PRELID2: variants seen among roughly 807,000 people sequenced by gnomAD.
PRELID2 encodes PRELI domain containing 2, also known as PRELI domain-containing protein 2.
In PRELID2, 25 loss-of-function variants were observed where a neutral mutation model predicts 28.4. That is an observed-to-expected ratio of 0.88 (90% CI 0.64 to 1.23). The LOEUF (loss-of-function observed/expected upper bound fraction) is 1.23, where lower values mean the gene tolerates loss of function less well. Ranked by LOEUF, PRELID2 falls within the 50% of genes most tolerant of loss-of-function variation. The pLI is 0.00. For synonymous variants in PRELID2, 76 were observed against 71.6 expected (o/e 1.06, Z -0.31); for missense variants, 201 against 214.4 (o/e 0.94, Z 0.39).
chr5:145,679,538 T>G (rs1037707908), intron 1 of PRELID2, among the ~76,000 whole-genome samples: 10 of 152,166 alleles, frequency 6.6e-5, no homozygotes, highest in Admixed American at 2.6e-4. Flanking sequence ...CTTGCTAGGA[T>G]ACAGTCTTCC....
chr5:145,756,780 G>A lies in PRELID2; in HGVS notation c.*3756C>T, dbSNP rs372519534. On this transcript the variant is annotated 3_prime_UTR_variant, in exon 7 of 7. Coordinates refer to ENST00000683046, the MANE Select transcript of PRELID2 (RefSeq NM_205846.3). Reference sequence around the variant, plus strand: ...TCTACTCTTATTCAACATATAGTATGCAGTTACACAATTTCCCAACCCCAG... The same window carrying A: ...TCTACTCTTATTCAACATATAGTATACAGTTACACAATTTCCCAACCCCAG... 2.0e-5 allele frequency among the ~76,000 whole-genome samples: 3 copies of A among 152,090 alleles called. No homozygotes were observed. The highest frequency in any genetic ancestry group is 4.1e-4 in the South Asian group (2 of 4,822).
At chr5:145,647,243 G>A (rs1754213844) in intron 1 of PRELID2, among the ~76,000 whole-genome samples, 2 of 152,284 alleles carry the variant, frequency 1.3e-5, no homozygotes, top group Middle Eastern at 3.4e-3. Flanking sequence ...AGGCAGTCTG[G>A]CCACAGCAGC....
chr5:145,585,430 C>T (rs905052826), intron 1 of PRELID2, among the ~76,000 whole-genome samples: 8 of 151,906 alleles, frequency 5.3e-5, no homozygotes, highest in Admixed American at 2.6e-4. Context: ...TGCACATGTA[C>T]CCCTGAACTT....
chr5:145,556,128 A>C (rs2126686657), intron 1 of PRELID2, among the ~76,000 whole-genome samples: 1 of 151,064 alleles, frequency 6.6e-6, no homozygotes, highest in South Asian at 2.1e-4. Context: ...CAGTGAGCCA[A>C]GATCACGCCA....
chr5:145,792,072 T>C (rs1752432755), intron 5 of PRELID2, among the ~76,000 whole-genome samples: 1 of 152,118 alleles, frequency 6.6e-6, no homozygotes, highest in Non-Finnish European at 1.5e-5. Context: ...TACGTTTGCA[T>C]TCCTCCATCA....
At chr5:145,621,430 C>A (rs976080913) in intron 1 of PRELID2, among the ~76,000 whole-genome samples, 2 of 152,102 alleles carry the variant, frequency 1.3e-5, no homozygotes, top group Admixed American at 6.5e-5. Flanking sequence ...TATATCTACA[C>A]AAAAACTTGT....
At chr5:145,411,420 A>G in the PRELID2 span, among the ~76,000 whole-genome samples, 13 of 152,182 alleles carry the variant, frequency 8.5e-5, no homozygotes, top group African/African-American at 3.1e-4. Context: ...CAGTCAAACA[A>G]TATCTGTCAT....
At chr5:145,282,960 T>A in the PRELID2 span, among the ~76,000 whole-genome samples, 324 of 152,302 alleles carry the variant, frequency 2.1e-3, 10 homozygotes, top group East Asian at 0.054. Flanking sequence ...AGGGGTGGGA[T>A]GGTTAAGAAT....
chr5:145,721,215 T>C (rs907331822), intron 1 of PRELID2, among the ~76,000 whole-genome samples: 20 of 152,074 alleles, frequency 1.3e-4, no homozygotes, highest in African/African-American at 4.8e-4. Context: ...TTCACACGCA[T>C]TCATGAGAAA....
the PRELID2 span, among the ~76,000 whole-genome samples, chr5:145,395,774 G>T: frequency 1.3e-5 from 2 of 152,084 alleles, no homozygotes; most frequent in Non-Finnish European, 2.9e-5. Context: ...ATGCAATGAG[G>T]TGTAAAGAAC....
intron 1 of PRELID2, among the ~76,000 whole-genome samples, chr5:145,677,813 A>T (rs1357658148): frequency 6.6e-6 from 1 of 152,214 alleles, no homozygotes; most frequent in Non-Finnish European, 1.5e-5. Flanking sequence ...CTGTGGTTTC[A>T]TTAAAAATTC....
At chr5:145,358,326 T>C in the PRELID2 span, among the ~76,000 whole-genome samples, 1 of 152,108 alleles carries the variant, frequency 6.6e-6, no homozygotes, top group South Asian at 2.1e-4. Context: ...CAGAAAGCTG[T>C]GCCCCTCAGC....
the PRELID2 span, among the ~76,000 whole-genome samples, chr5:145,248,652 C>T: frequency 6.6e-6 from 1 of 152,166 alleles, no homozygotes; most frequent in East Asian, 1.9e-4. Flanking sequence ...CAAAAATTAG[C>T]TGGGCATGGT....
chr5:145,834,858 T>G, intron 1 of PRELID2: 1 of 289,468 alleles, frequency 3.5e-6, no homozygotes, highest in East Asian at 6.4e-5. Flanking sequence ...GGGTCAGTGA[T>G]GAACCGGAAA....
the PRELID2 span, among the ~76,000 whole-genome samples, chr5:145,466,182 C>T: frequency 6.6e-6 from 1 of 151,966 alleles, no homozygotes; most frequent in South Asian, 2.1e-4. Flanking sequence ...ATGAGAAAAA[C>T]AGATAAGAAC....
chr5:145,467,508 G>T (rs1269650937), downstream of PRELID2, among the ~76,000 whole-genome samples: 3 of 152,044 alleles, frequency 2.0e-5, no homozygotes, highest in African/African-American at 4.8e-5. Flanking sequence ...TAAAATGTAG[G>T]TCCATTTTAC....
At chr5:145,734,274 C>A (rs1186525168) in intron 1 of PRELID2, among the ~76,000 whole-genome samples, 1 of 152,116 alleles carries the variant, frequency 6.6e-6, no homozygotes, top group East Asian at 1.9e-4. Context: ...AGCCACTGCA[C>A]CTGGCTCAAA....
chr5:145,777,141 T>C (rs6893794), intron 5 of PRELID2, among the ~76,000 whole-genome samples: 7,169 of 152,174 alleles, frequency 0.047, 455 homozygotes, highest in African/African-American at 0.14. Context: ...CTCTAGAAAA[T>C]AGTTTGTTAC....
the PRELID2 span, among the ~76,000 whole-genome samples, chr5:145,455,330 G>A: frequency 1.9e-3 from 293 of 152,062 alleles, 5 homozygotes; most frequent in East Asian, 0.043. Context: ...TTTTGGTACC[G>A]GTACCATGCT....
Sources: allele counts gnomAD v4.1 joint callset (sites outside exome capture counted in the v4.1 genomes callset), GRCh38; gene constraint gnomAD v4.1.1; transcripts MANE v1.5; gene names NCBI Gene and HGNC (gene_info 2026-07-23, HGNC 2026-07-21).